The following ZNF529 variants were observed in gnomAD, a reference collection of about 807,000 sequenced individuals.
ZNF529 encodes the protein zinc finger protein 529.
A neutral mutation model predicts 10.1 loss-of-function variants in ZNF529; 11 were observed. The observed-to-expected ratio is 1.09, with a 90% CI of 0.69 to 1.81. The LOEUF (loss-of-function observed/expected upper bound fraction) is 1.81, where lower values mean the gene tolerates loss of function less well. Among genes scored for constraint, ZNF529 ranks in the 40% most tolerant of loss-of-function variants. ZNF529 has a pLI of 0.00. For missense variants in ZNF529, 624 were observed against 666.8 expected (o/e 0.94, Z 0.71); for synonymous variants, 204 against 215.7 (o/e 0.95, Z 0.47).
intron 2 of ZNF529, among the ~76,000 whole-genome samples, chr19:36,570,831 T>G (rs894129424): frequency 6.6e-6 from 1 of 152,204 alleles, no homozygotes; most frequent in Non-Finnish European, 1.5e-5. Context: ...AACCAGCTTT[T>G]TTTCTTCCCT....
chr19:36,564,444 A>G (rs768769416), intron 2 of ZNF529, among the ~76,000 whole-genome samples: 1 of 152,230 alleles, frequency 6.6e-6, no homozygotes, highest in Non-Finnish European at 1.5e-5. Context: ...AAGGATATGA[A>G]CAGACCCTTC....
At chr19:36,584,019 C>T (rs1342058496) in intron 2 of ZNF529, among the ~76,000 whole-genome samples, 1 of 151,724 alleles carries the variant, frequency 6.6e-6, no homozygotes, top group African/African-American at 2.4e-5. Context: ...GATGAGGAAT[C>T]AAAATGAGTG....
At chr19:36,586,676 T>G (rs547670219) in intron 2 of ZNF529, among the ~76,000 whole-genome samples, 1 of 152,228 alleles carries the variant, frequency 6.6e-6, no homozygotes, top group South Asian at 2.1e-4. Context: ...TTGAGAACAC[T>G]CAGTGAATAT....
At chr19:36,566,482 G>A (rs1050758878) in intron 2 of ZNF529, among the ~76,000 whole-genome samples, 5 of 151,708 alleles carry the variant, frequency 3.3e-5, no homozygotes, top group African/African-American at 1.2e-4. Context: ...GAGCCCAGGA[G>A]TTCAAGACCA....
At chr19:36,584,664 G>C (rs759855735) in intron 2 of ZNF529, among the ~76,000 whole-genome samples, 2 of 151,888 alleles carry the variant, frequency 1.3e-5, no homozygotes, top group African/African-American at 2.4e-5. Flanking sequence ...CTACTCAGGA[G>C]GCTAAGGCAA....
In ZNF529 at chr19:36,562,341, T is replaced by C. The variant is rs1170944944; in HGVS notation, c.15-6144A>G. 2.6e-5 allele frequency among the ~76,000 whole-genome samples: 4 copies of C among 152,192 alleles called. No homozygotes were observed. In the East Asian group the frequency reaches 5.8e-4, roughly 22 times the overall value. ...ATTTGCCTCAGGATGAATCACATGA[T>C]TTAGATAATACCTAGATGAGACTCT... On this transcript the variant is annotated intron_variant, in intron 2 of 4. Transcript: ENST00000591340.
At chr19:36,571,372 TTC>T (rs2036099682) in intron 2 of ZNF529, among the ~76,000 whole-genome samples, 1 of 152,212 alleles carries the variant, frequency 6.6e-6, no homozygotes, top group African/African-American at 2.4e-5. Context: ...CTGTTTCTTT[TTC>T]TTTTTAAAAT....
At chr19:36,598,756 CATA>C (rs1283857740) in intron 1 of ZNF529, among the ~76,000 whole-genome samples, 1 of 152,106 alleles carries the variant, frequency 6.6e-6, no homozygotes, top group African/African-American at 2.4e-5. Flanking sequence ...TCCCATGGCA[CATA>C]ATAAGTACCT....
intron 2 of ZNF529, among the ~76,000 whole-genome samples, chr19:36,568,993 A>T (rs1387361043): frequency 6.6e-6 from 1 of 152,232 alleles, no homozygotes; most frequent in African/African-American, 2.4e-5. Context: ...GTGGAAAAAT[A>T]TAACATCTAG....
chr19:36,553,630 A>G (rs781779892), intron 4 of ZNF529, among the ~76,000 whole-genome samples: 3 of 152,232 alleles, frequency 2.0e-5, no homozygotes, highest in Non-Finnish European at 4.4e-5. Flanking sequence ...TTATCAATCC[A>G]TCAATATATA....
rs2035083540 is a variant in ZNF529 at position 36,547,546 on chromosome 19, AG to A, written c.1011del (p.Tyr338ThrfsTer72). ...EHQRIHTGEK[P>X]YKCMHCEKVF... ...ACCTTCTCACAGTGCATACATTTGT[AG>A]GGTTTCTCACCAGTATGAATTCTCT... On this transcript the variant is annotated frameshift_variant, in exon 5 of 5. Coordinates refer to ENST00000591340, the MANE Select transcript of ZNF529 (RefSeq NM_020951.5). LOFTEE classifies it low-confidence loss of function (END_TRUNC). 1 of 1,613,176 alleles carries A rather than the reference AG, an allele frequency of 6.2e-7. No individual in the cohort carries two copies. Among genetic ancestry groups the A allele is most frequent in the African/African-American group, 1.3e-5 (1 of 74,910 alleles).
chr19:36,604,085 C>G (rs757928316), intron 1 of ZNF529, among the ~76,000 whole-genome samples: 3 of 152,160 alleles, frequency 2.0e-5, no homozygotes, highest in Non-Finnish European at 4.4e-5. Flanking sequence ...GAGGCTGAGG[C>G]AGGAGAATTG....
intron 1 of ZNF529, among the ~76,000 whole-genome samples, chr19:36,598,927 C>T (rs902111888): frequency 6.6e-6 from 1 of 152,164 alleles, no homozygotes; most frequent in African/African-American, 2.4e-5. Context: ...AAAGCACAGC[C>T]TGCAAATGTA....
At chr19:36,559,492 A>G (rs1016794801) in intron 2 of ZNF529, among the ~76,000 whole-genome samples, 4 of 152,212 alleles carry the variant, frequency 2.6e-5, no homozygotes, top group Non-Finnish European at 5.9e-5. Flanking sequence ...TATTTTTAAT[A>G]GAGACGGGGT....
At chr19:36,601,123 A>G (rs191043154) in intron 1 of ZNF529, among the ~76,000 whole-genome samples, 1 of 150,870 alleles carries the variant, frequency 6.6e-6, no homozygotes, top group East Asian at 1.9e-4. Flanking sequence ...CATATCAAAC[A>G]CAGGCTGTGC....
intron 2 of ZNF529, among the ~76,000 whole-genome samples, chr19:36,588,003 C>T (rs967310262): frequency 6.6e-6 from 1 of 152,026 alleles, no homozygotes; most frequent in African/African-American, 2.4e-5. Flanking sequence ...CAAAAATTAG[C>T]TGTGTGTGGT....
At chr19:36,555,906 A>G (rs181664906) in intron 3 of ZNF529, among the ~76,000 whole-genome samples, 198 bp downstream of exon 3, 3 of 152,320 alleles carry the variant, frequency 2.0e-5, no homozygotes, top group Admixed American at 2.0e-4. Context: ...GCTCTTGACA[A>G]AGGACTGAAC....
chr19:36,544,221 G>A lies in ZNF529; in HGVS notation c.*2645C>T, dbSNP rs2034933612. On this transcript the variant is annotated 3_prime_UTR_variant, in exon 5 of 5. Coordinates refer to ENST00000591340, the MANE Select transcript of ZNF529 (RefSeq NM_020951.5). ...AATAATAATTATATTATGGTTTCGAGTAAGTGTGAAATGCCATAAGTTCAT... is the reference window on the plus strand; with the variant it reads ...AATAATAATTATATTATGGTTTCGAATAAGTGTGAAATGCCATAAGTTCAT... 6.6e-6 allele frequency: 1 copy of A among 152,128 alleles called. No homozygotes were observed. Among genetic ancestry groups the A allele is most frequent in the South Asian group, 2.1e-4 (1 of 4,826 alleles). The allele number at this position is 152,128 out of a possible 1,614,324, so 9.4% of individuals were successfully genotyped here.
At chr19:36,589,373 C>T (rs575786053) in intron 2 of ZNF529, among the ~76,000 whole-genome samples, 5 of 152,270 alleles carry the variant, frequency 3.3e-5, no homozygotes, top group East Asian at 3.9e-4. Context: ...TTGGAGGATA[C>T]GCAGTTAGTG....
Sources: gnomAD v4.1 joint callset for allele counts (sites outside exome capture counted in the v4.1 genomes callset) on GRCh38, gnomAD v4.1.1 for gene constraint, MANE v1.5 for transcripts, NCBI Gene and HGNC (gene_info 2026-07-23, HGNC 2026-07-21) for gene names.